Variants in WDR33 observed in about 807,000 individuals in gnomAD.
WDR33 encodes the protein WD repeat domain 33, also known as pre-mRNA 3' end processing protein WDR33.
A neutral mutation model predicts 164.9 loss-of-function variants in WDR33; 47 were observed. The observed-to-expected ratio is 0.29, with a 90% confidence interval of 0.23 to 0.36. The LOEUF (loss-of-function observed/expected upper bound fraction) is 0.36, where lower values mean the gene tolerates loss of function less well. Ranked by LOEUF, WDR33 falls within the 10% of genes least tolerant of loss-of-function variation. The pLI, the probability that WDR33 is intolerant of heterozygous loss-of-function variation, is 1.00. For synonymous variants in WDR33, 505 were observed against 589.0 expected (o/e 0.86, Z 2.06); for missense variants, 1,137 against 1,754.1 (o/e 0.65, Z 6.28).
In WDR33 at chr2:127,741,542, A is replaced by C. The variant is rs1346973386; in HGVS notation, c.725-14765T>G. ...CACAGACACACGAATCCACAGTGAG[A>C]TCTTCCATCCAGGAGAGGACCCTTG... On this transcript the variant is annotated intron_variant, in intron 7 of 21. Coordinates refer to ENST00000322313, the MANE Select transcript of WDR33 (RefSeq NM_018383.5). This position sits in a 1 kb window ranked among gnomAD's most constrained non-coding sequence, Gnocchi z 4.1. Among the ~76,000 whole-genome samples, 1 of 152,202 alleles carries C rather than the reference A, an allele frequency of 6.6e-6. No homozygotes were observed. The highest frequency in any genetic ancestry group is 1.5e-5 in the Non-Finnish European group (1 of 68,028).
intron 1 of WDR33, among the ~76,000 whole-genome samples, chr2:127,784,645 T>A (rs960079138): frequency 1.3e-5 from 2 of 152,042 alleles, no homozygotes; most frequent in African/African-American, 4.8e-5. Context: ...CCTCCCAAAG[T>A]ACAGAGACTA....
chr2:127,769,010 T>TAAAC lies in WDR33; in HGVS notation c.205-10_205-9insGTTT, dbSNP rs1288363089. The TAAAC allele has an allele frequency of 9.1e-7, 1 of 1,101,802 alleles. No homozygotes were observed. The highest frequency in any genetic ancestry group is 2.1e-5 in the African/African-American group (1 of 47,322). The allele number at this position is 1,101,802 out of a possible 1,614,324, so 68.3% of individuals were successfully genotyped here. On this transcript the variant is annotated splice_polypyrimidine_tract_variant and intron_variant, in intron 2 of 21. Coordinates refer to ENST00000322313, the MANE Select transcript of WDR33 (RefSeq NM_018383.5). ...CTTTGCCATATTCTGTTCTGTTAAA[T>TAAAC]AAATAAATAAATAAATAAATAAATA...
At chr2:127,761,403 T>C (rs1274034771) in intron 7 of WDR33, among the ~76,000 whole-genome samples, 1 of 152,144 alleles carries the variant, frequency 6.6e-6, no homozygotes, top group East Asian at 1.9e-4. Flanking sequence ...AGTTTCATGG[T>C]GTTAGCCAGG....
In WDR33 at chr2:127,735,308, C is replaced by T. The variant is rs1265330439; in HGVS notation, c.725-8531G>A. The T allele has an allele frequency of 6.6e-6, 6 of 903,998 alleles. No homozygotes were observed. The highest frequency in any genetic ancestry group is 7.9e-6 in the Non-Finnish European group (6 of 755,854). 56.0% of individuals were successfully genotyped at this position (903,998 alleles called of 1,614,324 possible). A position where few individuals can be genotyped will look rare whatever the true frequency, so the allele number is the denominator to read the frequency against. ...CTCCACCTCATCAGATCCTAAGGAA[C>T]CTGTTACCCCAAGCCCCTAAATAAC... On this transcript the variant is annotated intron_variant, in intron 7 of 21. Coordinates refer to ENST00000322313, the MANE Select transcript of WDR33 (RefSeq NM_018383.5). This position sits in a 1 kb window ranked among gnomAD's most constrained non-coding sequence, Gnocchi z 4.3.
intron 1 of WDR33, among the ~76,000 whole-genome samples, chr2:127,778,772 C>T (rs1456434958): frequency 1.3e-5 from 2 of 152,116 alleles, no homozygotes; most frequent in African/African-American, 4.8e-5. Context: ...GTAAATAAAG[C>T]TCTCTAATTC....
At chr2:127,782,628 T>C (rs1688414712) in intron 1 of WDR33, among the ~76,000 whole-genome samples, 1 of 152,152 alleles carries the variant, frequency 6.6e-6, no homozygotes, top group Non-Finnish European at 1.5e-5. Context: ...AAATGGATGG[T>C]TGCATCTGTA....
intron 1 of WDR33, among the ~76,000 whole-genome samples, chr2:127,779,953 AAAT>A (rs1054564119): frequency 6.6e-6 from 1 of 152,102 alleles, no homozygotes; most frequent in Non-Finnish European, 1.5e-5. Context: ...GGACTTTTAA[AAAT>A]AATAAAAAGG....
chr2:127,789,601 G>GA (rs1688772465), intron 1 of WDR33, among the ~76,000 whole-genome samples: 1 of 151,186 alleles, frequency 6.6e-6, no homozygotes, highest in African/African-American at 2.4e-5. Context: ...TGAGGCAGGA[G>GA]AATCAGGCAG....
chr2:127,716,466 C>T lies in WDR33; in HGVS notation c.2869+689G>A, dbSNP rs117057990. ...TCCTCTCACTCCCCTCCATCCACTC[C>T]GAGTCACCCCCTGCAACTCTCCCCA... On this transcript the variant is annotated intron_variant, in intron 17 of 21. Coordinates refer to ENST00000322313, the MANE Select transcript of WDR33 (RefSeq NM_018383.5). This position sits in a 1 kb window ranked among gnomAD's most constrained non-coding sequence, Gnocchi z 4.5. Among the ~76,000 whole-genome samples, 551 of 152,306 alleles carry T rather than the reference C, an allele frequency of 3.6e-3. 3 individuals are homozygous for T. The highest frequency in any genetic ancestry group is 0.029 in the East Asian group (149 of 5,174).
intron 18 of WDR33, among the ~76,000 whole-genome samples, chr2:127,711,806 C>T (rs1238702464): frequency 9.9e-6 from 1 of 100,990 alleles, no homozygotes; most frequent in Non-Finnish European, 1.9e-5. Context: ...AGAGTCTCGC[C>T]CTGTCACCCA....
At chr2:127,707,226 A>AT (rs1424818528) in intron 21 of WDR33, among the ~76,000 whole-genome samples, 5 of 135,348 alleles carry the variant, frequency 3.7e-5, no homozygotes, top group African/African-American at 1.4e-4. Context: ...TTGAGAATAT[A>AT]TTTAAAAAAA....
rs1400053585 is a variant in WDR33, at chr2:127,770,022, C to T, written c.204+756G>A. ...AGAACGTAAAGCCCTTTTCCTGACT[C>T]TAAGAAATACCTACCACCAGGGCTT... On this transcript the variant is annotated intron_variant, in intron 2 of 21. Coordinates refer to ENST00000322313, the MANE Select transcript of WDR33 (RefSeq NM_018383.5). This position sits in a 1 kb window ranked among gnomAD's most constrained non-coding sequence, Gnocchi z 4.9. Among the ~76,000 whole-genome samples, 2 of 152,166 alleles carry T rather than the reference C, an allele frequency of 1.3e-5. No individual in the cohort carries two copies. Among genetic ancestry groups the T allele is most frequent in the African/African-American group, 2.4e-5 (1 of 41,440 alleles).
In WDR33 at chr2:127,741,926, C is replaced by T. The variant is rs570055964; in HGVS notation, c.725-15149G>A. ...ATAAAAATAACACTTTCCGGCTGGG[C>T]ACGGTGGCTCACACCTGTAATCCCA... On this transcript the variant is annotated intron_variant, in intron 7 of 21. Transcript: ENST00000322313. The surrounding 1 kb of genome is among the most constrained non-coding windows in gnomAD (Gnocchi z 4.1). 6.6e-6 allele frequency among the ~76,000 whole-genome samples: 1 copy of T among 152,288 alleles called. No homozygotes were observed. Among genetic ancestry groups the T allele is most frequent in the South Asian group, 2.1e-4 (1 of 4,830 alleles).
intron 8 of WDR33, among the ~76,000 whole-genome samples, chr2:127,725,704 A>T (rs184364052): frequency 6.6e-6 from 1 of 151,392 alleles, no homozygotes; most frequent in East Asian, 1.9e-4. Flanking sequence ...AATGCACTCT[A>T]GTCTGGGTGA....
intron 1 of WDR33, among the ~76,000 whole-genome samples, chr2:127,786,844 C>CTTTTTTTTTTT (rs71307273): frequency 3.6e-5 from 4 of 111,838 alleles, no homozygotes; most frequent in Admixed American, 9.4e-5. Flanking sequence ...CCTTTCTGTT[C>CTTTTTTTTTTT]TTTTTTTTTT....
Position 127,710,006 on chromosome 2 carries a change from A to G in WDR33, c.3309-150T>C. 3 of 1,076,770 alleles carry G rather than the reference A, an allele frequency of 2.8e-6. No homozygotes were observed. Among genetic ancestry groups the G allele is most frequent in the East Asian group, 2.6e-5 (1 of 38,426 alleles). 66.7% of individuals were successfully genotyped at this position (1,076,770 alleles called of 1,614,324 possible). Reference sequence around the variant, plus strand: ...AAACTATATATTTTTGAAAGGATACATTATATAATCCTATTAATACTATCA... The same window carrying G: ...AAACTATATATTTTTGAAAGGATACGTTATATAATCCTATTAATACTATCA... On this transcript the variant is annotated intron_variant, in intron 18 of 21. Transcript: ENST00000322313. The surrounding 1 kb of genome is among the most constrained non-coding windows in gnomAD (Gnocchi z 4.4).
intron 7 of WDR33, among the ~76,000 whole-genome samples, chr2:127,730,547 GAAT>G (rs569578770): frequency 9.1e-4 from 139 of 152,112 alleles, no homozygotes; most frequent in African/African-American, 3.3e-3. Context: ...TTTAGAAGTG[GAAT>G]TATTAAACAA....
chr2:127,759,234 T>A (rs1483916581), intron 7 of WDR33, among the ~76,000 whole-genome samples: 2 of 152,206 alleles, frequency 1.3e-5, no homozygotes, highest in Non-Finnish European at 2.9e-5. Context: ...ATTTCATAAA[T>A]GTCTGTTTTT....
In WDR33 at chr2:127,790,034, G is replaced by A. The variant is rs1040483001; in HGVS notation, c.-23-19030C>T. Among the ~76,000 whole-genome samples the A allele has an allele frequency of 6.6e-5, 10 of 152,018 alleles. No individual in the cohort carries two copies. In the South Asian group the frequency reaches 8.3e-4, roughly 13 times the overall value. On this transcript the variant is annotated intron_variant, in intron 1 of 21. Coordinates refer to ENST00000322313, the MANE Select transcript of WDR33 (RefSeq NM_018383.5). ...TTATTTTTAGTAGAGACAGGGTTTC[G>A]ACATGTTGCCCTGGCTGGTCTCCAT...
Sources: gnomAD v4.1 joint callset for allele counts (sites outside exome capture counted in the v4.1 genomes callset) on GRCh38, gnomAD v4.1.1 for gene constraint, Gnocchi (gnomAD v3.1) non-coding constraint, MANE v1.5 for transcripts, NCBI Gene and HGNC (gene_info 2026-07-23, HGNC 2026-07-21) for gene names.